PCED1B: variants seen among roughly 807,000 people sequenced by gnomAD.
PCED1B encodes the protein PC-esterase domain containing 1B.
For synonymous variants in PCED1B, 251 were observed against 246.1 expected (o/e 1.02, Z -0.19); for missense variants, 573 against 573.9 (o/e 1.00, Z 0.02).
chr12:47,152,413 C>G (rs934293101), intron 2 of PCED1B, among the ~76,000 whole-genome samples: 1 of 151,950 alleles, frequency 6.6e-6, no homozygotes, highest in African/African-American at 2.4e-5. Context: ...TGTTGAATCA[C>G]GAGAAAACAT....
chr12:47,215,911 G>A (rs982197764), intron 2 of PCED1B, among the ~76,000 whole-genome samples: 7 of 152,064 alleles, frequency 4.6e-5, no homozygotes, highest in East Asian at 3.9e-4. Flanking sequence ...AAAATCAGCC[G>A]GGTGTGGTGG....
At chr12:47,220,147 G>T (rs1943433702) in intron 3 of PCED1B, among the ~76,000 whole-genome samples, 1 of 151,552 alleles carries the variant, frequency 6.6e-6, no homozygotes, top group Admixed American at 6.6e-5. Flanking sequence ...TACTAGCTGG[G>T]CAACCTTAGG....
intron 2 of PCED1B, among the ~76,000 whole-genome samples, chr12:47,170,455 C>T (rs1393549961): frequency 6.6e-6 from 1 of 152,216 alleles, no homozygotes; most frequent in Non-Finnish European, 1.5e-5. Context: ...CCTCACTTCC[C>T]GGACAGGGCA....
Position 47,235,694 on chromosome 12 carries a change from G to T in PCED1B, c.631G>T (p.Val211Leu), listed in dbSNP as rs1231763652. 1 of 1,613,160 alleles carries T rather than the reference G, an allele frequency of 6.2e-7. No individual in the cohort carries two copies. ...CGAGGCACGTAAACATAACTTCGATGTACTGGACTTGCATTTCCACTTCCG... is the reference window on the plus strand; with the variant it reads ...CGAGGCACGTAAACATAACTTCGATTTACTGGACTTGCATTTCCACTTCCG... Reference protein sequence around the residue: ...ATEARKHNFDVLDLHFHFRHA... With the variant: ...ATEARKHNFDLLDLHFHFRHA... The change falls in exon 4 of 4, where the codon GTA (valine) becomes TTA (leucine). Residue 211 changes from valine to leucine, a missense_variant. Val to Leu is a conservative substitution (Grantham distance 32). Coordinates refer to ENST00000546455, the MANE Select transcript of PCED1B (RefSeq NM_138371.3).
At chr12:47,081,045 T>G (rs567190699) in intron 1 of PCED1B, among the ~76,000 whole-genome samples, 5 of 152,354 alleles carry the variant, frequency 3.3e-5, no homozygotes, top group Non-Finnish European at 7.3e-5. Flanking sequence ...AGGTGGAGAC[T>G]ATGAGGCTGA....
chr12:47,212,279 T>C (rs1460719144), intron 2 of PCED1B, among the ~76,000 whole-genome samples: 1 of 151,778 alleles, frequency 6.6e-6, no homozygotes, highest in African/African-American at 2.4e-5. Context: ...AGACTCTGTC[T>C]CAAAAAACAA....
chr12:47,192,907 C>T (rs1216259185), intron 2 of PCED1B, among the ~76,000 whole-genome samples: 1 of 152,144 alleles, frequency 6.6e-6, no homozygotes, highest in Non-Finnish European at 1.5e-5. Flanking sequence ...TTTGGTGAAA[C>T]TATTCATTCA....
intron 2 of PCED1B, among the ~76,000 whole-genome samples, chr12:47,144,802 C>T (rs935930742): frequency 6.6e-6 from 1 of 152,228 alleles, no homozygotes; most frequent in Admixed American, 6.5e-5. Context: ...TCTGTCTGCT[C>T]CACTGAGTGG....
chr12:47,192,807 A>C (rs1234999774), intron 2 of PCED1B, among the ~76,000 whole-genome samples: 3 of 152,208 alleles, frequency 2.0e-5, no homozygotes, highest in South Asian at 4.1e-4. Flanking sequence ...TTTAACCATC[A>C]TTCCTTGAGA....
intron 3 of PCED1B, among the ~76,000 whole-genome samples, chr12:47,217,828 T>C (rs1266545873): frequency 1.3e-5 from 2 of 152,202 alleles, no homozygotes; most frequent in Non-Finnish European, 2.9e-5. Context: ...CCGACCGTCT[T>C]GGCCTCCCAA....
intron 3 of PCED1B, among the ~76,000 whole-genome samples, chr12:47,229,927 A>G (rs1456670054): frequency 2.7e-4 from 38 of 140,840 alleles, no homozygotes; most frequent in East Asian, 6.5e-4. Flanking sequence ...CCGCCACCAC[A>G]CCCGGCTAAT....
chr12:47,103,201 AT>A (rs1255701382), intron 1 of PCED1B, among the ~76,000 whole-genome samples: 2 of 152,202 alleles, frequency 1.3e-5, no homozygotes, highest in Non-Finnish European at 2.9e-5. Context: ...ATTAATAGTG[AT>A]GCATTTTGCC....
chr12:47,171,065 C>CT (rs71437788), intron 2 of PCED1B, among the ~76,000 whole-genome samples: 17,684 of 121,266 alleles, frequency 0.15, 2,018 homozygotes, highest in Non-Finnish European at 0.21. Flanking sequence ...GCCAGGTTAC[C>CT]TTTTTTTTTT....
At chr12:47,175,976 T>A (rs1941912067) in intron 2 of PCED1B, among the ~76,000 whole-genome samples, 1 of 151,314 alleles carries the variant, frequency 6.6e-6, no homozygotes, top group African/African-American at 2.4e-5. Flanking sequence ...TCTTCCCACC[T>A]CAGCCTCCCA....
intron 2 of PCED1B, among the ~76,000 whole-genome samples, chr12:47,104,638 G>GA (rs1374559424): frequency 1.3e-5 from 2 of 152,168 alleles, no homozygotes; most frequent in African/African-American, 2.4e-5. Flanking sequence ...ACCCTGGAGG[G>GA]AAAAAACCCA....
chr12:47,129,337 G>C (rs992821300), intron 2 of PCED1B, among the ~76,000 whole-genome samples: 3 of 151,972 alleles, frequency 2.0e-5, no homozygotes, highest in Non-Finnish European at 4.4e-5. Context: ...GCCAGGTGTG[G>C]TGGCTTGAGC....
chr12:47,129,837 G>C (rs369373123), intron 2 of PCED1B, among the ~76,000 whole-genome samples: 1 of 152,190 alleles, frequency 6.6e-6, no homozygotes, highest in Non-Finnish European at 1.5e-5. Context: ...GTAGGCATCT[G>C]TCCATTACAA....
intron 2 of PCED1B, among the ~76,000 whole-genome samples, chr12:47,152,444 G>A (rs778629613): frequency 6.6e-6 from 1 of 152,060 alleles, no homozygotes; most frequent in Admixed American, 6.6e-5. Flanking sequence ...CAAATTGAAA[G>A]ACTCTTCATA....
At chr12:47,165,644 G>C (rs927589936) in intron 2 of PCED1B, among the ~76,000 whole-genome samples, 1 of 151,986 alleles carries the variant, frequency 6.6e-6, no homozygotes, top group Non-Finnish European at 1.5e-5. Context: ...GATTTTCTAC[G>C]ATCACTTAAA....
Sources: gnomAD v4.1 joint callset for allele counts (sites outside exome capture counted in the v4.1 genomes callset) on GRCh38, gnomAD v4.1.1 for gene constraint, MANE v1.5 for transcripts, NCBI Gene and HGNC (gene_info 2026-07-23, HGNC 2026-07-21) for gene names.